The following FRMPD4 variants were observed in gnomAD, a reference collection of about 807,000 sequenced individuals.
The protein encoded by FRMPD4 is FERM and PDZ domain-containing protein 4.
A neutral mutation model predicts 94.1 loss-of-function variants in FRMPD4; 22 were observed. That is an observed-to-expected ratio of 0.23 (90% CI 0.17 to 0.33). The LOEUF (loss-of-function observed/expected upper bound fraction) is 0.33, where lower values mean the gene tolerates loss of function less well. Among genes scored for constraint, FRMPD4 ranks in the 10% least tolerant of loss-of-function variants. The pLI, the probability that FRMPD4 is intolerant of heterozygous loss-of-function variation, is 1.00. For missense variants in FRMPD4, 1,111 were observed against 1,339.9 expected, an observed-to-expected ratio of 0.83 and a Z score of 2.67; for synonymous variants, 631 against 548.6, an observed-to-expected ratio of 1.15 and a Z score of -2.10.
intron 3 of FRMPD4, among the ~76,000 whole-genome samples, chrX:12,005,911 C>G (rs1020462054): frequency 9.0e-6 from 1 of 111,048 alleles, no homozygotes; most frequent in African/African-American, 3.3e-5. Context: ...TTTTTAGAGA[C>G]GAAATCATTA....
At chrX:11,883,333 T>C (rs1451358611) in intron 3 of FRMPD4, among the ~76,000 whole-genome samples, 3 of 112,203 alleles carry the variant, frequency 2.7e-5, no homozygotes, top group Non-Finnish European at 3.8e-5. Context: ...TGATTTGCCA[T>C]TGGATCTGGT....
At chrX:11,973,446 G>T (rs1187011123) in intron 3 of FRMPD4, among the ~76,000 whole-genome samples, 2 of 111,380 alleles carry the variant, frequency 1.8e-5, no homozygotes, top group Non-Finnish European at 3.8e-5. Flanking sequence ...GATGTAGCCA[G>T]GACATCACCT....
intron 3 of FRMPD4, among the ~76,000 whole-genome samples, chrX:11,895,829 T>A (rs1245221470): frequency 8.9e-6 from 1 of 112,348 alleles, no homozygotes; most frequent in Non-Finnish European, 1.9e-5. Context: ...GTTTTCTTCC[T>A]GTAGCTGGGT....
At chrX:12,373,231 C>T (rs776980577) in intron 1 of FRMPD4, 35 of 112,347 alleles carry the variant, frequency 3.1e-4, no homozygotes, top group Admixed American at 2.8e-3. Flanking sequence ...AAGTTCTAAC[C>T]GACTTCTTAG....
chrX:12,060,210 T>A, intron 3 of FRMPD4, among the ~76,000 whole-genome samples: 1 of 110,820 alleles, frequency 9.0e-6, no homozygotes. Flanking sequence ...AACTAATTTA[T>A]ATTCTCACCA....
chrX:12,707,007 C>G, intron 12 of FRMPD4, 92 bp downstream of exon 12: 1 of 459,916 alleles, frequency 2.2e-6, no homozygotes, highest in South Asian at 4.2e-5. Flanking sequence ...AGCTGTGAAT[C>G]TTCTCCAGCC....
At chrX:12,206,230 A>G (rs1569191289) in intron 1 of FRMPD4, among the ~76,000 whole-genome samples, 1 of 112,562 alleles carries the variant, frequency 8.9e-6, no homozygotes, top group Non-Finnish European at 1.9e-5. Flanking sequence ...AATGTGGTTT[A>G]AAAACACTAA....
chrX:12,082,383 A>G (rs1003672638), intron 3 of FRMPD4, among the ~76,000 whole-genome samples: 4 of 111,769 alleles, frequency 3.6e-5, no homozygotes, highest in African/African-American at 1.3e-4. Context: ...TGCTACTACC[A>G]TGTAAGAAGT....
intron 3 of FRMPD4, among the ~76,000 whole-genome samples, chrX:11,957,377 C>A (rs2054262138): frequency 9.1e-6 from 1 of 110,360 alleles, no homozygotes; most frequent in Admixed American, 9.7e-5. Flanking sequence ...GGTAACATAG[C>A]CAGATCCTGT....
intron 14 of FRMPD4, among the ~76,000 whole-genome samples, chrX:12,714,160 C>A (rs1465206608): frequency 2.7e-5 from 3 of 112,184 alleles, no homozygotes; most frequent in African/African-American, 9.7e-5. Flanking sequence ...CCTAAGGCTG[C>A]TGGAACAAAT....
intron 16 of FRMPD4, among the ~76,000 whole-genome samples, 174 bp from the exon 17 acceptor site, chrX:12,720,360 A>G (rs1372815983): frequency 9.0e-6 from 1 of 111,589 alleles, no homozygotes; most frequent in Non-Finnish European, 1.9e-5. Flanking sequence ...TAAAATGGAA[A>G]TTTGTTATGA....
intron 2 of FRMPD4, among the ~76,000 whole-genome samples, chrX:12,562,652 T>C (rs1340251922): frequency 8.9e-6 from 1 of 112,409 alleles, no homozygotes; most frequent in Non-Finnish European, 1.9e-5. Flanking sequence ...AAAACTCACA[T>C]AAACGCACAC....
intron 2 of FRMPD4, among the ~76,000 whole-genome samples, chrX:12,505,570 A>G (rs1464676771): frequency 1.8e-5 from 2 of 110,261 alleles, no homozygotes; most frequent in Admixed American, 1.9e-4. Context: ...TCTACCAAAA[A>G]TACAAAATTA....
At chrX:11,906,976 A>T (rs758136940) in intron 3 of FRMPD4, among the ~76,000 whole-genome samples, 1 of 110,696 alleles carries the variant, frequency 9.0e-6, no homozygotes, top group Non-Finnish European at 1.9e-5. Context: ...CTGTCTTCTC[A>T]GTTCTGCTAC....
intron 1 of FRMPD4, among the ~76,000 whole-genome samples, chrX:12,146,785 G>T (rs2055775335): frequency 8.9e-6 from 1 of 112,320 alleles, no homozygotes; most frequent in South Asian, 3.7e-4. Flanking sequence ...CCCATCTCTT[G>T]TTTGCTTGAT....
At chrX:12,560,499 CCCAGCAA>C (rs2058643962) in intron 2 of FRMPD4, among the ~76,000 whole-genome samples, 2 of 83,876 alleles carry the variant, frequency 2.4e-5, no homozygotes, top group Non-Finnish European at 4.7e-5. Context: ...AAAAAAAAAA[CCCAGCAA>C]CCAGCAATGG....
chrX:12,288,400 C>T (rs966311425), intron 1 of FRMPD4, among the ~76,000 whole-genome samples: 1 of 111,381 alleles, frequency 9.0e-6, no homozygotes, highest in African/African-American at 3.3e-5. Context: ...TTTGCCTTTT[C>T]TTTTCTAAAG....
intron 1 of FRMPD4, among the ~76,000 whole-genome samples, chrX:11,854,260 C>A (rs1421413419): frequency 6.3e-5 from 7 of 111,578 alleles, no homozygotes; most frequent in Non-Finnish European, 1.3e-4. Flanking sequence ...TCCCTCAACA[C>A]AAGGGGATTA....
intron 1 of FRMPD4, among the ~76,000 whole-genome samples, chrX:12,222,335 G>A (rs2056878126): frequency 8.9e-6 from 1 of 111,995 alleles, no homozygotes; most frequent in Admixed American, 9.5e-5. Context: ...ATAATTAAAA[G>A]TATTTGTTTA....
Sources: gnomAD v4.1 joint callset for allele counts (sites outside exome capture counted in the v4.1 genomes callset) on GRCh38, gnomAD v4.1.1 for gene constraint, MANE v1.5 for transcripts, NCBI Gene and HGNC (gene_info 2026-07-23, HGNC 2026-07-21) for gene names.